Variants in SPATS2L observed in about 807,000 individuals in gnomAD.
SPATS2L encodes SPATS2-like protein.
In SPATS2L, 30 loss-of-function variants were observed where a neutral mutation model predicts 59.6. The observed-to-expected ratio is 0.50, with a 90% confidence interval of 0.38 to 0.68. SPATS2L has a LOEUF of 0.68. Among genes scored for constraint, SPATS2L ranks in the 30% least tolerant of loss-of-function variants. SPATS2L has a pLI of 0.00. For synonymous variants in SPATS2L, 252 were observed against 263.5 expected (o/e 0.96, Z 0.42); for missense variants, 615 against 700.0 (o/e 0.88, Z 1.37).
chr2:200,474,003 AAAAAAT>A (rs1308610152), intron 12 of SPATS2L, among the ~76,000 whole-genome samples: 14 of 152,180 alleles, frequency 9.2e-5, no homozygotes, highest in Non-Finnish European at 1.6e-4. Context: ...CCATCTCAAA[AAAAAAT>A]AAAAATAAAA....
intron 1 of SPATS2L, among the ~76,000 whole-genome samples, chr2:200,313,069 A>G (rs2079246131): frequency 1.3e-5 from 2 of 152,258 alleles, no homozygotes; most frequent in Admixed American, 6.5e-5. Context: ...TAAGTGGCAG[A>G]TGAATCTGGT....
intron 3 of SPATS2L, among the ~76,000 whole-genome samples, chr2:200,406,249 A>G (rs1165623142): frequency 6.6e-6 from 1 of 152,168 alleles, no homozygotes; most frequent in Non-Finnish European, 1.5e-5. Flanking sequence ...TGTCATGTAC[A>G]TTCTAATGGG....
intron 1 of SPATS2L, among the ~76,000 whole-genome samples, chr2:200,313,487 C>T (rs1008537661): frequency 1.3e-5 from 2 of 152,206 alleles, no homozygotes; most frequent in African/African-American, 4.8e-5. Context: ...TCCTTGTCTT[C>T]CTTTCCCTTA....
chr2:200,316,128 G>A (rs2079370795), intron 1 of SPATS2L, among the ~76,000 whole-genome samples: 1 of 152,120 alleles, frequency 6.6e-6, no homozygotes, highest in African/African-American at 2.4e-5. Context: ...GGATCAGGAA[G>A]GGGAACCCTC....
At chr2:200,420,971 G>C (rs957119098) in intron 6 of SPATS2L, among the ~76,000 whole-genome samples, 1 of 152,116 alleles carries the variant, frequency 6.6e-6, no homozygotes, top group African/African-American at 2.4e-5. Flanking sequence ...AAAGGTGGTA[G>C]ATCCTTTGAT....
At chr2:200,354,071 A>G (rs373831134) in intron 2 of SPATS2L, among the ~76,000 whole-genome samples, 1 of 152,210 alleles carries the variant, frequency 6.6e-6, no homozygotes, top group Non-Finnish European at 1.5e-5. Flanking sequence ...TTAACTAACC[A>G]TGAATAATTA....
chr2:200,306,537 G>C (rs2079016136), upstream of SPATS2L: 1 of 1,002,436 alleles, frequency 1.0e-6, no homozygotes, highest in Non-Finnish European at 1.2e-6. Flanking sequence ...AAACCCGAGA[G>C]AGGCGTGAGC....
intron 4 of SPATS2L, among the ~76,000 whole-genome samples, chr2:200,415,957 A>T (rs1384221200): frequency 1.3e-5 from 2 of 152,144 alleles, no homozygotes; most frequent in Non-Finnish European, 2.9e-5. Flanking sequence ...AGAATGGCCA[A>T]ACAGAAAGCT....
At chr2:200,396,141 A>G (rs1360581138) in intron 3 of SPATS2L, among the ~76,000 whole-genome samples, 1 of 147,838 alleles carries the variant, frequency 6.8e-6, no homozygotes, top group Non-Finnish European at 1.5e-5. Context: ...AGCGAACTTG[A>G]CTTTTTCAAA....
intron 2 of SPATS2L, chr2:200,378,454 C>T: frequency 1.1e-6 from 1 of 952,362 alleles, no homozygotes; most frequent in Non-Finnish European, 1.3e-6. Context: ...TGGGGGTACT[C>T]TCCAACTGGA....
rs1304723505 is a variant in SPATS2L, at chr2:200,480,311, T to C, written c.*2280T>C. The C allele has an allele frequency of 1.3e-5, 2 of 150,250 alleles. No individual in the cohort carries two copies. Among genetic ancestry groups the C allele is most frequent in the African/African-American group, 4.9e-5 (2 of 40,948 alleles). The allele number at this position is 150,250 out of a possible 1,614,324, so 9.3% of individuals were successfully genotyped here. A position where few individuals can be genotyped will look rare whatever the true frequency, so the allele number is the denominator to read the frequency against. ...AAGAATGCTAAAAAGTGCTCAGACC[T>C]GATCACATTTTTTCCAATATTTTTT... On this transcript the variant is annotated 3_prime_UTR_variant, in exon 13 of 13. Transcript: ENST00000409140.
At chr2:200,378,165 C>A in intron 2 of SPATS2L, 1 of 957,272 alleles carries the variant, frequency 1.0e-6, no homozygotes, top group Non-Finnish European at 1.3e-6. Context: ...CAACCCCCTG[C>A]TGATTACTCA....
Position 200,419,334 on chromosome 2 carries a change from C to A in SPATS2L, c.283C>A (p.Pro95Thr). The A allele has an allele frequency of 6.2e-7, 1 of 1,609,894 alleles. No individual in the cohort carries two copies. The highest frequency in any genetic ancestry group is 8.5e-7 in the Non-Finnish European group (1 of 1,178,036). The change falls in exon 6 of 13, where the codon CCC becomes ACC. Residue 95 changes from proline (P) to threonine (T), a missense_variant. Physicochemically the swap from Pro to Thr is conservative, Grantham distance 38. Coordinates refer to ENST00000409140, the MANE Select transcript of SPATS2L (RefSeq NM_001100423.2). The part of the protein sequence containing the change: ...KDKVERPEAG[P>T]LQPQPPQIQN... ...CAAGGTGGAGAGGCCTGAGGCAGGG[C>A]CCCTGCAGCCGCAGCCACCACAGAT...
intron 3 of SPATS2L, among the ~76,000 whole-genome samples, chr2:200,402,987 G>A (rs2082578657): frequency 6.6e-6 from 1 of 152,178 alleles, no homozygotes; most frequent in Non-Finnish European, 1.5e-5. Context: ...CTTACATATT[G>A]AAATTTAAGA....
intron 1 of SPATS2L, 81 bp downstream of exon 1, chr2:200,307,003 A>G: frequency 1.0e-6 from 1 of 974,962 alleles, no homozygotes; most frequent in Non-Finnish European, 1.2e-6. Context: ...CGCGGCCGGG[A>G]CGGAGACTCG....
intron 8 of SPATS2L, 93 bp downstream of exon 8, chr2:200,440,877 C>A: frequency 2.2e-6 from 3 of 1,381,014 alleles, no homozygotes; most frequent in Non-Finnish European, 3.0e-6. Flanking sequence ...TTATTTAATA[C>A]ATAAACATCA....
At chr2:200,320,121 A>G (rs1436749017) in intron 1 of SPATS2L, among the ~76,000 whole-genome samples, 2 of 152,118 alleles carry the variant, frequency 1.3e-5, no homozygotes, top group African/African-American at 4.8e-5. Flanking sequence ...AACTAGCTTG[A>G]CAGTCTTTCA....
chr2:200,436,633 C>G (rs1035593868), intron 6 of SPATS2L, among the ~76,000 whole-genome samples: 2 of 152,182 alleles, frequency 1.3e-5, no homozygotes, highest in Admixed American at 1.3e-4. Flanking sequence ...CATTTGCATG[C>G]TTGGCTTCCA....
At chr2:200,348,222 G>A (rs1382131428) in intron 2 of SPATS2L, among the ~76,000 whole-genome samples, 1 of 152,214 alleles carries the variant, frequency 6.6e-6, no homozygotes, top group Non-Finnish European at 1.5e-5. Flanking sequence ...TTTAGATGGG[G>A]AAGTTATAGG....
Sources: gnomAD v4.1 joint callset for allele counts (sites outside exome capture counted in the v4.1 genomes callset) on GRCh38, gnomAD v4.1.1 for gene constraint, MANE v1.5 for transcripts, NCBI Gene and HGNC (gene_info 2026-07-23, HGNC 2026-07-21) for gene names.